Variants in KAT6B observed in about 807,000 individuals in gnomAD.
The protein encoded by KAT6B is histone acetyltransferase KAT6B.
In KAT6B, 10 loss-of-function variants were observed where a neutral mutation model predicts 187.5. The observed-to-expected ratio is 0.05, with a 90% CI of 0.03 to 0.09. The LOEUF (loss-of-function observed/expected upper bound fraction) is 0.09. Ranked by LOEUF, KAT6B falls within the 10% of genes least tolerant of loss-of-function variation. The pLI is 1.00. For synonymous variants in KAT6B, 861 were observed against 926.8 expected (o/e 0.93, Z 1.29); for missense variants, 1,952 against 2,558.9 (o/e 0.76, Z 5.12).
At chr10:75,005,823 A>G (rs2134008442) in intron 13 of KAT6B, among the ~76,000 whole-genome samples, 1 of 152,250 alleles carries the variant, frequency 6.6e-6, no homozygotes, top group Admixed American at 6.5e-5. Context: ...AGTTAACATC[A>G]TAGAGGAACG....
intron 4 of KAT6B, among the ~76,000 whole-genome samples, chr10:74,967,053 G>A (rs1181953876): frequency 2.0e-5 from 3 of 151,430 alleles, no homozygotes; most frequent in Non-Finnish European, 2.9e-5. Flanking sequence ...TAGGCTGGGC[G>A]CTGTGGCTCA....
At chr10:74,973,630 C>T (rs181347321) in intron 7 of KAT6B, among the ~76,000 whole-genome samples, 22 of 152,226 alleles carry the variant, frequency 1.4e-4, no homozygotes, top group African/African-American at 3.9e-4. Context: ...AGTATTCTCC[C>T]GCACCTTTAT....
At chr10:75,012,214 G>A (rs1052517153) in intron 13 of KAT6B, among the ~76,000 whole-genome samples, 3 of 152,132 alleles carry the variant, frequency 2.0e-5, no homozygotes, top group Admixed American at 6.5e-5. Context: ...TTGGGAGGCC[G>A]AGGCAGGAGG....
chr10:75,012,610 C>T (rs1253279195), intron 13 of KAT6B, among the ~76,000 whole-genome samples: 2 of 152,218 alleles, frequency 1.3e-5, no homozygotes, highest in Non-Finnish European at 2.9e-5. Context: ...CTACGCTTCT[C>T]AACACAGGGG....
rs1843552308 is a variant in KAT6B, at chr10:74,866,359, G to A, written c.621+22881G>A. Among the ~76,000 whole-genome samples the A allele has an allele frequency of 3.3e-5, 5 of 151,888 alleles. No homozygotes were observed. The South Asian group carries it at 1.0e-3, about 32-fold the overall frequency. ...TTCAGCAAAAATCATACTAAAATAT[G>A]TATGTATAAATATATGTGTGAATAT... On this transcript the variant is annotated intron_variant, in intron 3 of 17. Coordinates refer to ENST00000287239, the MANE Select transcript of KAT6B (RefSeq NM_012330.4).
At chr10:74,920,850 A>T (rs1050385253) in intron 3 of KAT6B, among the ~76,000 whole-genome samples, 1 of 152,118 alleles carries the variant, frequency 6.6e-6, no homozygotes, top group South Asian at 2.1e-4. Flanking sequence ...CTGCTGTTCC[A>T]TCCCAAGGTG....
chr10:74,992,242 T>C (rs1843162871), intron 13 of KAT6B, among the ~76,000 whole-genome samples: 2 of 152,154 alleles, frequency 1.3e-5, no homozygotes, highest in South Asian at 2.1e-4. Flanking sequence ...GAGAAAGATA[T>C]AGCCGCCCAC....
intron 3 of KAT6B, among the ~76,000 whole-genome samples, chr10:74,929,562 T>C (rs902493831): frequency 6.6e-6 from 1 of 152,138 alleles, no homozygotes; most frequent in African/African-American, 2.4e-5. Flanking sequence ...ATCTGTAAAA[T>C]GGTCATGTCA....
intron 1 of KAT6B, among the ~76,000 whole-genome samples, chr10:74,834,556 T>C (rs1841135697): frequency 6.6e-6 from 1 of 152,060 alleles, no homozygotes; most frequent in African/African-American, 2.4e-5. Context: ...TCTTGCTCTA[T>C]TGCCTAGGCT....
chr10:75,000,333 G>GA (rs1412053831), intron 13 of KAT6B, among the ~76,000 whole-genome samples: 2 of 152,096 alleles, frequency 1.3e-5, no homozygotes, highest in South Asian at 2.1e-4. Flanking sequence ...AGCGCTGATG[G>GA]AAAAAATCGA....
chr10:74,929,361 G>A (rs557060835), intron 3 of KAT6B, among the ~76,000 whole-genome samples: 63 of 152,226 alleles, frequency 4.1e-4, no homozygotes, highest in Non-Finnish European at 8.2e-4. Flanking sequence ...TTTCTACCCT[G>A]TATTACAGAT....
At chr10:74,934,050 G>A (rs959050814) in intron 3 of KAT6B, among the ~76,000 whole-genome samples, 1 of 151,986 alleles carries the variant, frequency 6.6e-6, no homozygotes, top group East Asian at 1.9e-4. Flanking sequence ...GCTGGGCGTG[G>A]TGGCAGGTAC....
intron 3 of KAT6B, among the ~76,000 whole-genome samples, chr10:74,921,598 G>A (rs1454455542): frequency 1.7e-4 from 26 of 152,026 alleles, no homozygotes. Context: ...TTGACTGCCT[G>A]GTATGTTAGA....
At chr10:74,858,975 G>T (rs536918018) in intron 3 of KAT6B, among the ~76,000 whole-genome samples, 1 of 150,368 alleles carries the variant, frequency 6.7e-6, no homozygotes, top group East Asian at 2.0e-4. Flanking sequence ...GATCTCAAGT[G>T]ATCTACCCAC....
In KAT6B at chr10:75,029,526, G is replaced by C. The variant is rs751387257; in HGVS notation, c.4702G>C (p.Ala1568Pro). 2 of 1,614,108 alleles carry C rather than the reference G, an allele frequency of 1.2e-6. No individual in the cohort carries two copies. The highest frequency in any genetic ancestry group is 2.2e-5 in the South Asian group (2 of 91,078). ...TFQDCAETQE[A>P]CRSLQNYTRA... ...TCAGGATTGTGCCGAGACTCAAGAG[G>C]CCTGTAGAAGCCTACAGAACTACAC... is the stretch of plus-strand genomic sequence containing the variant. Residue 1568 changes from alanine to proline, a missense_variant, in exon 18 of 18, where the codon GCC becomes CCC. Physicochemically the swap from Ala to Pro is conservative, Grantham distance 27 (BLOSUM62 -1). Transcript: ENST00000287239. This position sits in a 1 kb window ranked among gnomAD's most constrained non-coding sequence, Gnocchi z 6.2.
chr10:74,831,809 A>G (rs1840884213), intron 1 of KAT6B, among the ~76,000 whole-genome samples: 2 of 152,202 alleles, frequency 1.3e-5, no homozygotes, highest in Non-Finnish European at 2.9e-5. Flanking sequence ...AAGTATTCTC[A>G]TTTTTACAGA....
intron 3 of KAT6B, among the ~76,000 whole-genome samples, chr10:74,920,441 T>C (rs1253647994): frequency 1.3e-5 from 2 of 152,258 alleles, no homozygotes; most frequent in Non-Finnish European, 2.9e-5. Context: ...GGACTTCCTG[T>C]CCTCACCAAT....
intron 13 of KAT6B, among the ~76,000 whole-genome samples, chr10:75,010,734 T>G (rs11001243): frequency 0.041 from 6,238 of 152,230 alleles, 288 homozygotes; most frequent in East Asian, 0.18. Flanking sequence ...CCACCATCGG[T>G]CTGTGGGGTT....
chr10:74,938,550 T>C (rs1400464093), intron 3 of KAT6B, among the ~76,000 whole-genome samples: 2 of 152,110 alleles, frequency 1.3e-5, no homozygotes, highest in African/African-American at 4.8e-5. Flanking sequence ...TATAGATGGG[T>C]CTATGCTTAC....
Sources: allele counts gnomAD v4.1 joint callset (sites outside exome capture counted in the v4.1 genomes callset), GRCh38; gene constraint gnomAD v4.1.1; non-coding constraint Gnocchi (gnomAD v3.1); transcripts MANE v1.5; gene names NCBI Gene and HGNC (gene_info 2026-07-23, HGNC 2026-07-21).